Variants in LRRC20 observed in about 807,000 individuals in gnomAD.
LRRC20 encodes the protein leucine rich repeat containing 20.
LRRC20 carries 11 observed loss-of-function variants against 14.4 expected under a neutral mutation model. The ratio of observed to expected loss-of-function variants is 0.77; its 90% confidence interval spans 0.48 to 1.27. The LOEUF (loss-of-function observed/expected upper bound fraction) is 1.27. Ranked by LOEUF, LRRC20 falls within the 50% of genes most tolerant of loss-of-function variation. The pLI, the probability that LRRC20 is intolerant of heterozygous loss-of-function variation, is 0.00. For synonymous variants in LRRC20, 121 were observed against 107.3 expected (o/e 1.13, Z -0.79); for missense variants, 219 against 251.2 (o/e 0.87, Z 0.87).
chr10:70,317,232 C>T (rs1383224821), intron 4 of LRRC20, among the ~76,000 whole-genome samples: 1 of 152,226 alleles, frequency 6.6e-6, no homozygotes, highest in Non-Finnish European at 1.5e-5. Flanking sequence ...CAGAGGCTCT[C>T]TACCCTGCAG....
chr10:70,352,708 A>C (rs1843357985), intron 2 of LRRC20, among the ~76,000 whole-genome samples: 1 of 152,140 alleles, frequency 6.6e-6, no homozygotes, highest in Non-Finnish European at 1.5e-5. Flanking sequence ...CTCTATTCTT[A>C]ACTCTTAATT....
Position 70,320,340 on chromosome 10 carries a change from T to C in LRRC20, c.400+3523A>G, listed in dbSNP as rs147057057. On this transcript the variant is annotated intron_variant, in intron 4 of 4. Coordinates refer to ENST00000446961, the MANE Select transcript of LRRC20 (RefSeq NM_001278212.2). ...ATAGATAGATAGATAGATAGATAGATAGATAGATCTGTGCATGCACATAGT... is the reference window on the plus strand; with the variant it reads ...ATAGATAGATAGATAGATAGATAGACAGATAGATCTGTGCATGCACATAGT... 1.5e-3 allele frequency among the ~76,000 whole-genome samples: 226 copies of C among 152,082 alleles called. 1 individual carries two copies. The highest frequency in any genetic ancestry group is 5.2e-3 in the African/African-American group (216 of 41,388).
intron 2 of LRRC20, among the ~76,000 whole-genome samples, chr10:70,368,268 C>T (rs1844110893): frequency 6.6e-6 from 1 of 150,876 alleles, no homozygotes; most frequent in Non-Finnish European, 1.5e-5. Context: ...AATGATTCTC[C>T]TGCCTCAGCC....
chr10:70,304,470 T>TTATATAGATAGATATATA (rs1554835659), intron 4 of LRRC20, among the ~76,000 whole-genome samples: 4 of 113,826 alleles, frequency 3.5e-5, no homozygotes, highest in African/African-American at 1.2e-4. Flanking sequence ...GGCCACTTCT[T>TTATATAGATAGATATATA]TATATATATA....
chr10:70,307,692 TG>T (rs1286485417), intron 4 of LRRC20, among the ~76,000 whole-genome samples: 1 of 151,916 alleles, frequency 6.6e-6, no homozygotes, highest in Non-Finnish European at 1.5e-5. Flanking sequence ...TAGTTGAGAG[TG>T]GGTGGGTAGT....
rs146597097 is a variant in LRRC20, at chr10:70,356,149, C to G, written c.83-15447G>C. Among the ~76,000 whole-genome samples, 548 of 152,302 alleles carry G rather than the reference C, an allele frequency of 3.6e-3. 6 individuals carry two copies. The South Asian group carries it at 0.056, about 15-fold the overall frequency. On this transcript the variant is annotated intron_variant, in intron 2 of 4. Coordinates refer to ENST00000446961, the MANE Select transcript of LRRC20 (RefSeq NM_001278212.2). ...GGCCAACTCTTTCTTGCTGTGGGAC[C>G]TCAGGCAAGTTACTTAACTCCAATC... is the stretch of plus-strand genomic sequence containing the variant.
intron 4 of LRRC20, among the ~76,000 whole-genome samples, chr10:70,304,196 C>G (rs1021076431): frequency 9.9e-5 from 15 of 152,024 alleles, no homozygotes; most frequent in Admixed American, 4.6e-4. Context: ...CTTCCCCGAT[C>G]CAATTCCGTG....
In LRRC20 at chr10:70,379,418, CA is replaced by C. The variant is rs540983564; in HGVS notation, c.-63-2823del. On this transcript the variant is annotated intron_variant, in intron 1 of 4. Coordinates refer to ENST00000446961, the MANE Select transcript of LRRC20 (RefSeq NM_001278212.2). ...GGGAGGCAAATCAGCTAGATGAAAA[CA>C]AAAAACCCAGGTATCCTAAGTCCAA... Among the ~76,000 whole-genome samples, 532 of 152,240 alleles carry C rather than the reference CA, an allele frequency of 3.5e-3. 4 individuals are homozygous for C. Among genetic ancestry groups the C allele is most frequent in the African/African-American group, 0.012 (493 of 41,556 alleles).
At chr10:70,347,585 C>T (rs1239097838) in intron 2 of LRRC20, among the ~76,000 whole-genome samples, 2 of 151,894 alleles carry the variant, frequency 1.3e-5, no homozygotes, top group African/African-American at 4.8e-5. Context: ...TTTGGGAGGC[C>T]GAGGCGGGCA....
intron 2 of LRRC20, among the ~76,000 whole-genome samples, chr10:70,374,581 C>A (rs10762374): frequency 0.97 from 147,504 of 152,170 alleles, 71,641 homozygotes; most frequent in Non-Finnish European, 1. Flanking sequence ...TGGCCCCAAG[C>A]GATCCACCTG....
intron 2 of LRRC20, among the ~76,000 whole-genome samples, chr10:70,348,962 G>T (rs1233428274): frequency 6.6e-6 from 1 of 152,254 alleles, no homozygotes; most frequent in Non-Finnish European, 1.5e-5. Flanking sequence ...GGAACAGACG[G>T]CACTGCTGCC....
intron 1 of LRRC20, among the ~76,000 whole-genome samples, chr10:70,377,698 G>A (rs988817408): frequency 3.3e-5 from 5 of 152,226 alleles, no homozygotes; most frequent in African/African-American, 1.2e-4. Context: ...CATGGGGACA[G>A]TGCTAAGAGC....
At chr10:70,324,708 A>C (rs1842251603) in intron 3 of LRRC20, among the ~76,000 whole-genome samples, 1 of 151,984 alleles carries the variant, frequency 6.6e-6, no homozygotes, top group Admixed American at 6.5e-5. Flanking sequence ...GAATCTAGTG[A>C]GAGAAGCCGG....
chr10:70,377,513 A>G (rs1044558805), intron 1 of LRRC20, among the ~76,000 whole-genome samples: 2 of 152,146 alleles, frequency 1.3e-5, no homozygotes, highest in Admixed American at 6.5e-5. Context: ...GCCAGTGCTC[A>G]CTTTTTTATA....
At chr10:70,304,057 G>C (rs1841311768) in intron 4 of LRRC20, among the ~76,000 whole-genome samples, 1 of 152,044 alleles carries the variant, frequency 6.6e-6, no homozygotes, top group Non-Finnish European at 1.5e-5. Context: ...GAATAAGGCA[G>C]CAGCTATACT....
intron 4 of LRRC20, among the ~76,000 whole-genome samples, chr10:70,313,620 CAACCTT>C (rs1206749328): frequency 1.3e-5 from 2 of 152,206 alleles, no homozygotes; most frequent in African/African-American, 4.8e-5. Flanking sequence ...GTTTATACTT[CAACCTT>C]AAAACAAAGA....
intron 2 of LRRC20, among the ~76,000 whole-genome samples, chr10:70,368,007 G>GTTATGTTATGTTATGCTAT (rs1262121989): frequency 1.3e-5 from 2 of 150,022 alleles, no homozygotes; most frequent in African/African-American, 4.9e-5. Context: ...TTTTTGAGAT[G>GTTATGTTATGTTATGCTAT]GAGTCTCGCT....
intron 2 of LRRC20, among the ~76,000 whole-genome samples, chr10:70,362,058 G>A (rs575236784): frequency 3.3e-5 from 5 of 152,242 alleles, no homozygotes; most frequent in African/African-American, 4.8e-5. Context: ...AGTGATACAC[G>A]CCTGTAATCC....
chr10:70,301,946 G>A (rs1365811841), intron 4 of LRRC20, among the ~76,000 whole-genome samples: 1 of 152,114 alleles, frequency 6.6e-6, no homozygotes, highest in Non-Finnish European at 1.5e-5. Flanking sequence ...ATATATATAT[G>A]ATATATGGAA....
Sources: allele counts gnomAD v4.1 joint callset (sites outside exome capture counted in the v4.1 genomes callset), GRCh38; gene constraint gnomAD v4.1.1; transcripts MANE v1.5; gene names NCBI Gene and HGNC (gene_info 2026-07-23, HGNC 2026-07-21).